STK32B: variants seen among roughly 807,000 people sequenced by gnomAD.
The protein encoded by STK32B is serine/threonine kinase 32B.
STK32B carries 43 observed loss-of-function variants against 52.6 expected under a neutral mutation model. The observed-to-expected ratio is 0.82, with a 90% CI of 0.64 to 1.05. The LOEUF (loss-of-function observed/expected upper bound fraction) is 1.05, where lower values mean the gene tolerates loss of function less well. Among genes scored for constraint, STK32B ranks in the 50% least tolerant of loss-of-function variants. STK32B has a pLI of 0.00. For synonymous variants in STK32B, 238 were observed against 204.3 expected (o/e 1.17, Z -1.41); for missense variants, 621 against 534.6 (o/e 1.16, Z -1.59).
chr4:5,407,131 A>G (rs1737734094), intron 5 of STK32B, among the ~76,000 whole-genome samples: 1 of 152,078 alleles, frequency 6.6e-6, no homozygotes, highest in Non-Finnish European at 1.5e-5. Flanking sequence ...CAGATGCCAT[A>G]AATCATCACT....
At chr4:5,062,571 A>G (rs766144110) in intron 1 of STK32B, among the ~76,000 whole-genome samples, 3 of 152,068 alleles carry the variant, frequency 2.0e-5, no homozygotes, top group Non-Finnish European at 4.4e-5. Flanking sequence ...CAGTGGCACA[A>G]TCTCAGCTCC....
At chr4:5,412,022 G>C (rs777071016) in intron 5 of STK32B, among the ~76,000 whole-genome samples, 1 of 152,178 alleles carries the variant, frequency 6.6e-6, no homozygotes, top group Non-Finnish European at 1.5e-5. Flanking sequence ...CTACCAAGAA[G>C]TCAAGAGGGA....
chr4:5,079,185 G>C (rs1351026785), intron 1 of STK32B, among the ~76,000 whole-genome samples: 2 of 151,912 alleles, frequency 1.3e-5, no homozygotes, highest in African/African-American at 4.8e-5. Flanking sequence ...CTCCATCATT[G>C]GGCCATACAG....
intron 3 of STK32B, among the ~76,000 whole-genome samples, chr4:5,313,064 A>G (rs1236134205): frequency 6.6e-6 from 1 of 151,530 alleles, no homozygotes; most frequent in African/African-American, 2.4e-5. Context: ...AGATGCAAAA[A>G]TCTCAACAAA....
At chr4:5,164,408 C>T (rs149506294) in intron 2 of STK32B, among the ~76,000 whole-genome samples, 2 of 152,252 alleles carry the variant, frequency 1.3e-5, no homozygotes, top group African/African-American at 2.4e-5. Context: ...GGTTTGGGCC[C>T]GTCCTAATCC....
intron 4 of STK32B, among the ~76,000 whole-genome samples, chr4:5,376,740 G>A (rs1275518696): frequency 3.3e-5 from 5 of 151,988 alleles, no homozygotes; most frequent in African/African-American, 7.3e-5. Flanking sequence ...CCTCCACCCC[G>A]CACTCTCCAA....
At chr4:5,410,246 A>T (rs1711562215) in intron 5 of STK32B, among the ~76,000 whole-genome samples, 1 of 152,186 alleles carries the variant, frequency 6.6e-6, no homozygotes, top group East Asian at 1.9e-4. Flanking sequence ...CCTGATTCTC[A>T]TCTCTTTTGG....
At chr4:5,143,443 C>G (rs916688748) in intron 2 of STK32B, among the ~76,000 whole-genome samples, 3 of 152,116 alleles carry the variant, frequency 2.0e-5, no homozygotes, top group African/African-American at 7.2e-5. Flanking sequence ...CTGGAGCCCA[C>G]GCATCACACC....
chr4:5,484,860 C>G (rs1719017687), intron 11 of STK32B, among the ~76,000 whole-genome samples: 1 of 152,086 alleles, frequency 6.6e-6, no homozygotes, highest in Admixed American at 6.5e-5. Flanking sequence ...CATAGTTTGG[C>G]TGGATATGAA....
chr4:5,436,664 A>C, intron 6 of STK32B: 1 of 985,382 alleles, frequency 1.0e-6, no homozygotes, highest in Non-Finnish European at 1.2e-6. Flanking sequence ...GGGAGGGTAC[A>C]CGCGCTATTA....
At chr4:5,236,442 A>C (rs1254428502) in intron 3 of STK32B, among the ~76,000 whole-genome samples, 1 of 152,186 alleles carries the variant, frequency 6.6e-6, no homozygotes, top group East Asian at 1.9e-4. Context: ...TCATGCCCAA[A>C]CGGGAACAAG....
intron 4 of STK32B, among the ~76,000 whole-genome samples, chr4:5,353,856 C>A (rs1489652138): frequency 1.3e-5 from 2 of 152,154 alleles, no homozygotes; most frequent in African/African-American, 2.4e-5. Context: ...CTAGAACTAC[C>A]ATCTGATCCA....
At chr4:5,040,529 G>A in the STK32B span, among the ~76,000 whole-genome samples, 1 of 152,156 alleles carries the variant, frequency 6.6e-6, no homozygotes. Context: ...GAGTAGCTGG[G>A]ATTACAGATG....
chr4:5,162,161 T>C (rs1193696835), intron 2 of STK32B, among the ~76,000 whole-genome samples: 3 of 152,230 alleles, frequency 2.0e-5, no homozygotes, highest in Non-Finnish European at 4.4e-5. Context: ...CTCTCTGTTC[T>C]GTACTCCTCT....
chr4:5,460,036 C>T lies in STK32B; in HGVS notation c.784-67C>T. The T allele has an allele frequency of 6.2e-7, 1 of 1,612,694 alleles. No individual in the cohort carries two copies. Among genetic ancestry groups the T allele is most frequent in the Non-Finnish European group, 8.5e-7 (1 of 1,179,132 alleles). The stretch of plus-strand genomic sequence containing the variant: ...ACATTAATTGCCCTGAGACCCCCTC[C>T]TTCAGAGTCCCCGCTAACCTTGAGG... On this transcript the variant is annotated intron_variant, in intron 8 of 11. Coordinates refer to ENST00000282908, the MANE Select transcript of STK32B (RefSeq NM_018401.3). The surrounding 1 kb of genome is among the most constrained non-coding windows in gnomAD (Gnocchi z 4.8).
intron 1 of STK32B, among the ~76,000 whole-genome samples, chr4:5,099,432 C>CTGTGTG (rs746438820): frequency 0.024 from 3,265 of 138,868 alleles, 58 homozygotes; most frequent in Middle Eastern, 0.043. Flanking sequence ...CTGCAGTCCT[C>CTGTGTG]TGTGTGTGTG....
At chr4:5,063,763 C>T (rs1420083132) in intron 1 of STK32B, among the ~76,000 whole-genome samples, 3 of 152,170 alleles carry the variant, frequency 2.0e-5, no homozygotes, top group African/African-American at 4.8e-5. Flanking sequence ...TTAAAGTGTT[C>T]AAAAGTCACA....
At chr4:5,148,384 A>T (rs1215272081) in intron 2 of STK32B, among the ~76,000 whole-genome samples, 1 of 151,760 alleles carries the variant, frequency 6.6e-6, no homozygotes, top group Non-Finnish European at 1.5e-5. Context: ...TAAGCTATAA[A>T]TTTTCCTCTA....
At chr4:5,061,471 C>G (rs1434058217) in intron 1 of STK32B, among the ~76,000 whole-genome samples, 2 of 152,066 alleles carry the variant, frequency 1.3e-5, no homozygotes, top group Non-Finnish European at 2.9e-5. Context: ...TTTCCATTGT[C>G]TATTGTTTCA....
Sources: gnomAD v4.1 joint callset for allele counts (sites outside exome capture counted in the v4.1 genomes callset) on GRCh38, gnomAD v4.1.1 for gene constraint, Gnocchi (gnomAD v3.1) non-coding constraint, MANE v1.5 for transcripts, NCBI Gene and HGNC (gene_info 2026-07-23, HGNC 2026-07-21) for gene names.